The following FREM1 variants were observed in gnomAD, a reference collection of about 807,000 sequenced individuals.
FREM1 encodes the protein FRAS1-related extracellular matrix protein 1.
In FREM1, 220 loss-of-function variants were observed where a neutral mutation model predicts 210.1. The ratio of observed to expected loss-of-function variants is 1.05; its 90% CI spans 0.94 to 1.17. FREM1 has a LOEUF of 1.17. Among genes scored for constraint, FREM1 ranks in the 50% most tolerant of loss-of-function variants. FREM1 has a pLI of 0.00. For synonymous variants in FREM1, 1,189 were observed against 980.2 expected (o/e 1.21, Z -3.98); for missense variants, 3,454 against 2,675.5 (o/e 1.29, Z -6.42).
intron 3 of FREM1, among the ~76,000 whole-genome samples, chr9:14,860,048 G>A (rs972486479): frequency 2.0e-5 from 3 of 152,138 alleles, no homozygotes; most frequent in African/African-American, 7.2e-5. Flanking sequence ...CTAAAATAGA[G>A]GGGTGTCATT....
intron 35 of FREM1, among the ~76,000 whole-genome samples, chr9:14,741,574 A>C (rs1425059242): frequency 6.6e-6 from 1 of 152,132 alleles, no homozygotes; most frequent in East Asian, 1.9e-4. Flanking sequence ...CAACACATCC[A>C]ACACGCTCAC....
At chr9:14,872,431 C>T (rs199980275) in intron 1 of FREM1, among the ~76,000 whole-genome samples, 3 of 152,192 alleles carry the variant, frequency 2.0e-5, no homozygotes, top group Non-Finnish European at 2.9e-5. Flanking sequence ...TTTGAAGCAA[C>T]TGTGAATGGG....
In FREM1 at chr9:14,812,865, T is replaced by C; in HGVS notation, c.2840A>G (p.Asp947Gly). Residue 947 changes from aspartate (D) to glycine (G), a missense_variant, in exon 16 of 37, where the codon GAT (aspartate) becomes GGT (glycine). By Grantham distance (94) the Asp-to-Gly change is moderately conservative. Transcript: ENST00000380880. ...GVVRRAGVTV[D>G]QFSQRDVISE... is the part of the protein sequence containing the mutation. ...GATAACATCTCTCTGAGAGAACTGA[T>C]CCACTGTGACTCCAGCTCTCCTCAC... The C allele has an allele frequency of 6.2e-7, 1 of 1,613,804 alleles. No individual in the cohort carries two copies. The highest frequency in any genetic ancestry group is 8.5e-7 in the Non-Finnish European group (1 of 1,179,796).
intron 1 of FREM1, among the ~76,000 whole-genome samples, chr9:14,872,441 G>A (rs546849019): frequency 6.6e-6 from 1 of 152,294 alleles, no homozygotes; most frequent in Non-Finnish European, 1.5e-5. Context: ...CTGTGAATGG[G>A]ACTTCACTCA....
chr9:14,778,574 C>T (rs1395080362), intron 24 of FREM1, among the ~76,000 whole-genome samples: 7 of 140,234 alleles, frequency 5.0e-5, no homozygotes, highest in African/African-American at 1.9e-4. Context: ...TGCCACCGCA[C>T]TCCAGCCTGG....
At chr9:14,747,181 G>T in intron 33 of FREM1, 83 bp downstream of exon 33, 1 of 1,573,830 alleles carries the variant, frequency 6.4e-7, no homozygotes, top group Non-Finnish European at 8.7e-7. Context: ...CAACCTTGGA[G>T]GCTATTTTGT....
At chr9:14,893,872 G>A (rs1837274771) in intron 1 of FREM1, among the ~76,000 whole-genome samples, 1 of 152,154 alleles carries the variant, frequency 6.6e-6, no homozygotes, top group Non-Finnish European at 1.5e-5. Flanking sequence ...TTGTGTGTGT[G>A]AACATATTGG....
intron 1 of FREM1, among the ~76,000 whole-genome samples, chr9:14,894,352 T>C (rs1388680450): frequency 1.3e-5 from 2 of 152,250 alleles, no homozygotes; most frequent in Non-Finnish European, 2.9e-5. Flanking sequence ...GCTTTAATAG[T>C]GGCTGCCCTA....
intron 16 of FREM1, among the ~76,000 whole-genome samples, chr9:14,809,460 C>T (rs1030873013): frequency 4.6e-5 from 7 of 151,998 alleles, no homozygotes; most frequent in Non-Finnish European, 7.4e-5. Flanking sequence ...CATTATTTCC[C>T]GTTTAAAAAT....
At chr9:14,793,729 T>C (rs1851826445) in intron 21 of FREM1, among the ~76,000 whole-genome samples, 1 of 152,190 alleles carries the variant, frequency 6.6e-6, no homozygotes. Flanking sequence ...TGCCTGAATT[T>C]CTTGGGATTC....
Position 14,857,582 on chromosome 9 carries a change from T to G in FREM1, c.799A>C (p.Thr267Pro). Residue 267 changes from threonine to proline, a missense_variant, in exon 5 of 37, where the codon ACA (threonine) becomes CCA (proline). Transcript: ENST00000380880. The part of the protein sequence containing the change: ...IDYISIQLDL[T>P]DTRSKIVYKS... ...TACACAATTTTGCTCCTGGTATCTG[T>G]GAGGTCCAGTTGGATGGAGATATAA... 6.2e-7 allele frequency: 1 copy of G among 1,613,734 alleles called. No individual in the cohort carries two copies. The highest frequency in any genetic ancestry group is 8.5e-7 in the Non-Finnish European group (1 of 1,179,822).
chr9:14,821,247 T>C (rs1254949670), intron 13 of FREM1, among the ~76,000 whole-genome samples: 1 of 152,138 alleles, frequency 6.6e-6, no homozygotes, highest in Admixed American at 6.5e-5. Flanking sequence ...CCTCAGCTTT[T>C]TGAGGGACTA....
intron 6 of FREM1, among the ~76,000 whole-genome samples, chr9:14,849,254 T>C (rs1360360450): frequency 6.6e-6 from 1 of 152,184 alleles, no homozygotes; most frequent in Non-Finnish European, 1.5e-5. Context: ...CATCCTACCG[T>C]ACACAGGACA....
chr9:14,860,706 C>CACACATATAT lies in FREM1; in HGVS notation c.330-1232_330-1223dup, dbSNP rs1165527224. 2.9e-4 allele frequency among the ~76,000 whole-genome samples: 23 copies of CACACATATAT among 79,458 alleles called. No individual in the cohort carries two copies. In the East Asian group the frequency reaches 8.1e-3, roughly 28 times the overall value. 52.1% of individuals were successfully genotyped at this position (79,458 alleles called of 152,430 possible). ...ATACACATATATACACACATATATACACACATATATACACATATATACACA... is the reference window on the plus strand; with the variant it reads ...ATACACATATATACACACATATATACACACATATATACACATATATACACATATATACACA... On this transcript the variant is annotated intron_variant, in intron 3 of 36. Coordinates refer to ENST00000380880, the MANE Select transcript of FREM1 (RefSeq NM_001379081.2).
At chr9:14,888,999 T>G (rs559673020) in intron 1 of FREM1, among the ~76,000 whole-genome samples, 19 of 152,354 alleles carry the variant, frequency 1.2e-4, no homozygotes, top group African/African-American at 3.4e-4. Flanking sequence ...GTAAGCATTT[T>G]CTGTATTACT....
At chr9:14,874,768 A>G (rs7032337) in intron 1 of FREM1, among the ~76,000 whole-genome samples, 35,268 of 152,038 alleles carry the variant, frequency 0.23, 4,675 homozygotes, top group African/African-American at 0.36. Context: ...AGTCTTGATG[A>G]TCTTCACAAT....
At chr9:14,828,775 C>T (rs145240062) in intron 10 of FREM1, among the ~76,000 whole-genome samples, 4 of 152,186 alleles carry the variant, frequency 2.6e-5, no homozygotes, top group Middle Eastern at 3.4e-3. Context: ...CATCCCTCAA[C>T]TAGCATACTT....
At chr9:14,867,538 C>T (rs1831757240) in intron 2 of FREM1, among the ~76,000 whole-genome samples, 1 of 152,182 alleles carries the variant, frequency 6.6e-6, no homozygotes, top group Non-Finnish European at 1.5e-5. Context: ...AGACCCTCTT[C>T]CAAAGAATTC....
chr9:14,826,478 A>G (rs1822483108), intron 10 of FREM1, among the ~76,000 whole-genome samples: 1 of 152,106 alleles, frequency 6.6e-6, no homozygotes, highest in African/African-American at 2.4e-5. Context: ...CCTTGACCAC[A>G]CTTCTAGAAT....
Sources: gnomAD v4.1 joint callset for allele counts (sites outside exome capture counted in the v4.1 genomes callset) on GRCh38, gnomAD v4.1.1 for gene constraint, MANE v1.5 for transcripts, NCBI Gene and HGNC (gene_info 2026-07-23, HGNC 2026-07-21) for gene names.